CNBD2: variants seen among roughly 807,000 people sequenced by gnomAD.
CNBD2 encodes the protein cyclic nucleotide binding domain containing 2.
A neutral mutation model predicts 63.7 loss-of-function variants in CNBD2; 64 were observed. That is an observed-to-expected ratio of 1.00 (90% CI 0.82 to 1.24). CNBD2 has a LOEUF of 1.24. Ranked by LOEUF, CNBD2 falls within the 50% of genes most tolerant of loss-of-function variation. The pLI is 0.00. For missense variants in CNBD2, 691 were observed against 713.5 expected (o/e 0.97, Z 0.36); for synonymous variants, 229 against 255.4 (o/e 0.90, Z 0.99).
In CNBD2 at chr20:35,984,696, G is replaced by T; in HGVS notation, c.634G>T (p.Val212Phe). The part of the protein sequence containing the change: ...IVCMEETEFL[V>F]VDREDFFANK... ...CTGTATGGAAGAAACGGAGTTCCTG[G>T]TTGTTGACCGGGAGGACTTCTTTGC... Residue 212 changes from valine (V) to phenylalanine (F), a missense_variant, in exon 6 of 12, where the codon GTT (valine) becomes TTT (phenylalanine). Transcript: ENST00000373973. 6.2e-7 allele frequency: 1 copy of T among 1,614,200 alleles called. No homozygotes were observed. Among genetic ancestry groups the T allele is most frequent in the Non-Finnish European group, 8.5e-7 (1 of 1,180,028 alleles).
chr20:36,003,767 C>G (rs1354433834), intron 8 of CNBD2, among the ~76,000 whole-genome samples: 1 of 151,934 alleles, frequency 6.6e-6, no homozygotes, highest in East Asian at 1.9e-4. Context: ...TTTGGTGCTT[C>G]TGACTCAAGA....
chr20:36,030,609 C>G lies in CNBD2; in HGVS notation c.1692C>G (p.Ile564Met), dbSNP rs375790455. 26 of 1,614,180 alleles carry G rather than the reference C, an allele frequency of 1.6e-5. No homozygotes were observed. Among genetic ancestry groups the G allele is most frequent in the Non-Finnish European group, 2.1e-5 (25 of 1,180,034 alleles). Residue 564 changes from isoleucine to methionine, a missense_variant, in exon 12 of 12, where the codon ATC becomes ATG. Ile to Met is a conservative substitution (Grantham distance 10, BLOSUM62 1). Coordinates refer to ENST00000373973, the MANE Select transcript of CNBD2 (RefSeq NM_001365709.1). ...YLPPLRIVQA[I>M]KAPRYKIREL... is the part of the protein sequence containing the mutation. ...CCCCATTGAGGATTGTCCAAGCCAT[C>G]AAAGCACCTCGGTACAAAATCCGAG...
chr20:36,028,736 C>T (rs532168409), intron 11 of CNBD2, among the ~76,000 whole-genome samples: 5 of 145,432 alleles, frequency 3.4e-5, no homozygotes, highest in African/African-American at 8.2e-5. Context: ...AGTGCAGTCT[C>T]GTGATCTCAG....
At chr20:36,011,042 G>C in intron 9 of CNBD2, 95 bp from the exon 10 acceptor site, 1 of 1,245,232 alleles carries the variant, frequency 8.0e-7, no homozygotes, top group Non-Finnish European at 1.0e-6. Flanking sequence ...AGGGAGGGGA[G>C]CCCTCCATGT....
downstream of CNBD2, among the ~76,000 whole-genome samples, chr20:35,958,159 A>G (rs1326460552): frequency 6.6e-6 from 1 of 152,172 alleles, no homozygotes; most frequent in Non-Finnish European, 1.5e-5. Context: ...TTGGCCAAGC[A>G]TGGTGGCTCA....
chr20:36,022,523 T>G (rs2057229423), intron 10 of CNBD2, among the ~76,000 whole-genome samples: 1 of 151,418 alleles, frequency 6.6e-6, no homozygotes, highest in Non-Finnish European at 1.5e-5. Flanking sequence ...TTAGTAGAGG[T>G]GGGGTTTCAC....
chr20:35,954,905 C>A, exon 1 of CNBD2: 2 of 249,982 alleles, frequency 8.0e-6, no homozygotes. Flanking sequence ...AGCGGGACGG[C>A]GACCATTCTC....
chr20:35,957,350 G>T (rs570817209), downstream of CNBD2, among the ~76,000 whole-genome samples: 243 of 152,296 alleles, frequency 1.6e-3, no homozygotes, highest in African/African-American at 5.7e-3. Context: ...ACTTTGGGAG[G>T]CATAGGCAGG....
At chr20:35,998,040 C>CTTTTTTTTTTT (rs1046661526) in intron 8 of CNBD2, among the ~76,000 whole-genome samples, 1 of 127,118 alleles carries the variant, frequency 7.9e-6, no homozygotes, top group African/African-American at 3.1e-5. Flanking sequence ...TTTTCTTTTT[C>CTTTTTTTTTTT]TTTTTTTTTT....
chr20:36,002,143 C>T (rs2056920070), intron 8 of CNBD2, among the ~76,000 whole-genome samples: 1 of 152,336 alleles, frequency 6.6e-6, no homozygotes. Context: ...GTCTGCAATC[C>T]CGGCACCTCG....
chr20:36,007,478 G>A (rs2057001048), intron 8 of CNBD2, among the ~76,000 whole-genome samples: 2 of 152,000 alleles, frequency 1.3e-5, no homozygotes, highest in African/African-American at 4.8e-5. Flanking sequence ...AACTCTCATG[G>A]AGGGCCTATT....
intron 8 of CNBD2, among the ~76,000 whole-genome samples, chr20:35,996,530 C>T (rs2056828033): frequency 7.2e-6 from 1 of 139,576 alleles, no homozygotes; most frequent in African/African-American, 2.7e-5. Context: ...TTTTTGGAGA[C>T]AGAGTCTCAC....
intron 10 of CNBD2, among the ~76,000 whole-genome samples, chr20:36,013,604 A>C (rs2057092948): frequency 6.6e-6 from 1 of 152,194 alleles, no homozygotes; most frequent in Admixed American, 6.6e-5. Context: ...AGCAAAAGGA[A>C]CTGTGTCTGA....
intron 10 of CNBD2, among the ~76,000 whole-genome samples, chr20:36,015,052 C>T (rs1301211729): frequency 6.6e-6 from 1 of 152,102 alleles, no homozygotes; most frequent in Non-Finnish European, 1.5e-5. Flanking sequence ...TGATAGTAAC[C>T]ATTTTAACAG....
rs2057014865 is a variant in CNBD2 at position 36,008,486 on chromosome 20, C to A, written c.1148+12C>A. The A allele has an allele frequency of 2.5e-6, 4 of 1,598,198 alleles. No individual in the cohort carries two copies. Among genetic ancestry groups the A allele is most frequent in the Non-Finnish European group, 3.4e-6 (4 of 1,175,478 alleles). On this transcript the variant is annotated intron_variant, in intron 9 of 11. Coordinates refer to ENST00000373973, the MANE Select transcript of CNBD2 (RefSeq NM_001365709.1). ...GGCCCGAAGATCCAGTAAGCTCAGCCCTGGGCAGATAGACGGGTCCAGATT... is the reference window on the plus strand; with the variant it reads ...GGCCCGAAGATCCAGTAAGCTCAGCACTGGGCAGATAGACGGGTCCAGATT...
chr20:35,995,579 G>A (rs937089224), intron 8 of CNBD2, among the ~76,000 whole-genome samples: 6 of 152,244 alleles, frequency 3.9e-5, no homozygotes, highest in Non-Finnish European at 8.8e-5. Context: ...GTCTATTTAT[G>A]TTGTAGCAGA....
At chr20:36,002,442 G>T (rs1423503756) in intron 8 of CNBD2, among the ~76,000 whole-genome samples, 1 of 151,996 alleles carries the variant, frequency 6.6e-6, no homozygotes, top group Non-Finnish European at 1.5e-5. Flanking sequence ...GAAGGAGAGG[G>T]AGAGGGAGAG....
Position 35,995,094 on chromosome 20 carries a change from A to T in CNBD2, c.912A>T (p.Arg304Ser). 1 of 1,614,064 alleles carries T rather than the reference A, an allele frequency of 6.2e-7. No individual in the cohort carries two copies. Among genetic ancestry groups the T allele is most frequent in the Non-Finnish European group, 8.5e-7 (1 of 1,179,982 alleles). ...LDLGASPSYR[R>S]WIWQHLELID... Reference sequence around the variant, plus strand: ...TTGGGGCCTCCCCTTCCTACCGTAGATGGATCTGGCAGCACCTGGAGCTGA... The same window carrying T: ...TTGGGGCCTCCCCTTCCTACCGTAGTTGGATCTGGCAGCACCTGGAGCTGA... Residue 304 changes from arginine (R) to serine (S), a missense_variant, in exon 8 of 12, where the codon AGA (arginine) becomes AGT (serine). Transcript: ENST00000373973.
At chr20:35,973,079 G>A (rs2056445610) in intron 2 of CNBD2, 2 of 479,802 alleles carry the variant, frequency 4.2e-6, no homozygotes, top group South Asian at 9.6e-5. Context: ...GAAAGGTGGA[G>A]CAAAATATGG....
Sources: gnomAD v4.1 joint callset for allele counts (sites outside exome capture counted in the v4.1 genomes callset) on GRCh38, gnomAD v4.1.1 for gene constraint, MANE v1.5 for transcripts, NCBI Gene and HGNC (gene_info 2026-07-23, HGNC 2026-07-21) for gene names.